BICD1: variants seen among roughly 807,000 people sequenced by gnomAD.
BICD1 encodes the protein BICD cargo adaptor 1, also known as protein bicaudal D homolog 1.
In BICD1, 35 loss-of-function variants were observed where a neutral mutation model predicts 92.5. That is an observed-to-expected ratio of 0.38 (90% CI 0.29 to 0.50). The LOEUF (loss-of-function observed/expected upper bound fraction) is 0.50, where lower values mean the gene tolerates loss of function less well. BICD1 is among the 20% of genes least tolerant of loss of function. The pLI, the probability that BICD1 is intolerant of heterozygous loss-of-function variation, is 0.93. For missense variants in BICD1, 950 were observed against 1,189.8 expected (o/e 0.80, Z 2.97); for synonymous variants, 429 against 465.1 (o/e 0.92, Z 1.00).
chr12:32,172,197 T>C (rs1420718044), intron 1 of BICD1, among the ~76,000 whole-genome samples: 1 of 152,124 alleles, frequency 6.6e-6, no homozygotes, highest in Non-Finnish European at 1.5e-5. Flanking sequence ...TCAGTGCTAG[T>C]GAAGGATATA....
At chr12:32,182,278 C>CTTTTTTTTTTTTTTTTTTTTTTTTTTTT (rs759328721) in intron 1 of BICD1, among the ~76,000 whole-genome samples, 12 of 81,430 alleles carry the variant, frequency 1.5e-4, no homozygotes, top group African/African-American at 2.1e-4. Flanking sequence ...TTCTTTCTTT[C>CTTTTTTTTTTTTTTTTTTTTTTTTTTTT]TTTTTTTTTT....
At chr12:32,135,330 C>T (rs1362153181) in intron 1 of BICD1, among the ~76,000 whole-genome samples, 4 of 149,304 alleles carry the variant, frequency 2.7e-5, no homozygotes, top group Admixed American at 6.7e-5. Flanking sequence ...TCAGGTGATC[C>T]GCCTGCCTCG....
In BICD1 at chr12:32,234,407, G is replaced by A. The variant is rs1945996688; in HGVS notation, c.426+17948G>A. Among the ~76,000 whole-genome samples the A allele has an allele frequency of 2.0e-5, 3 of 151,892 alleles. No homozygotes were observed. The South Asian group carries it at 6.2e-4, about 32-fold the overall frequency. Reference sequence around the variant, plus strand: ...GAGGTCGGGGGTTCAAGACCAGCCTGATCAACATGGAGAAACCCCATCTCT... The same window carrying A: ...GAGGTCGGGGGTTCAAGACCAGCCTAATCAACATGGAGAAACCCCATCTCT... On this transcript the variant is annotated intron_variant, in intron 2 of 9. Coordinates refer to ENST00000652176, the MANE Select transcript of BICD1 (RefSeq NM_001714.4).
chr12:32,243,828 C>T (rs326637), intron 2 of BICD1, among the ~76,000 whole-genome samples: 99,840 of 151,978 alleles, frequency 0.66, 32,893 homozygotes, highest in East Asian at 0.71. Context: ...TACCTGTTTT[C>T]GTGGCTTTTA....
intron 2 of BICD1, among the ~76,000 whole-genome samples, chr12:32,288,214 C>T (rs1300355651): frequency 6.8e-6 from 1 of 146,014 alleles, no homozygotes; most frequent in Non-Finnish European, 1.5e-5. Flanking sequence ...TGTCACCTAC[C>T]AAGTCCTAAT....
chr12:32,166,139 T>TTTA (rs1555140620), intron 1 of BICD1, among the ~76,000 whole-genome samples: 4 of 3,254 alleles, frequency 1.2e-3, no homozygotes, highest in Admixed American at 6.8e-3. Flanking sequence ...TATTTATTTA[T>TTTA]TTATTTATTT....
intron 2 of BICD1, among the ~76,000 whole-genome samples, chr12:32,225,811 G>T (rs1270866217): frequency 6.6e-6 from 1 of 151,678 alleles, no homozygotes; most frequent in African/African-American, 2.4e-5. Context: ...TAGTAGAGAC[G>T]AGGTTTCGCC....
chr12:32,327,762 C>T lies in BICD1; in HGVS notation c.1307C>T (p.Ala436Val). 1 of 1,613,928 alleles carries T rather than the reference C, an allele frequency of 6.2e-7. No homozygotes were observed. The highest frequency in any genetic ancestry group is 1.3e-5 in the African/African-American group (1 of 74,962). ...EVIDLKAEIKALKEKYNKSVE... is the reference protein window; with the variant it reads ...EVIDLKAEIKVLKEKYNKSVE... ...ATTGATCTGAAAGCTGAAATTAAGG[C>T]CTTAAAGGAGAAATATAATAAATCT... The change falls in exon 5 of 10, where the codon GCC becomes GTC. Residue 436 changes from alanine to valine, a missense_variant. Physicochemically the swap from Ala to Val is moderately conservative, Grantham distance 64 (BLOSUM62 0). Around this residue, in one of 5 missense-constraint regions of BICD1, gnomAD observed 309 missense variants for 499.4 expected, o/e 0.62. Transcript: ENST00000652176.
intron 9 of BICD1, among the ~76,000 whole-genome samples, chr12:32,369,541 G>A (rs768331540): frequency 1.3e-5 from 2 of 152,256 alleles, no homozygotes; most frequent in Admixed American, 1.3e-4. Context: ...GTGTCACATG[G>A]TCTCAGAGGC....
At chr12:32,322,919 C>T (rs900107835) in intron 4 of BICD1, among the ~76,000 whole-genome samples, 2 of 152,124 alleles carry the variant, frequency 1.3e-5, no homozygotes, top group Non-Finnish European at 2.9e-5. Flanking sequence ...TGGAAACAGC[C>T]TTATCTGTAA....
Position 32,337,562 on chromosome 12 carries a change from G to A in BICD1, c.2316G>A (p.Glu772=). The change falls in exon 7 of 10, where the codon GAG becomes GAA. Residue 772 remains glutamate (E), a synonymous_variant. Transcript: ENST00000652176. The surrounding 1 kb of genome is among the most constrained non-coding windows in gnomAD (Gnocchi z 4.7). Reference sequence around the variant, plus strand: ...GACAGTTAGCAGCTGCAGAGGATGAGAAGAAGACTCTGAACACTTTGTTAC... The same window carrying A: ...GACAGTTAGCAGCTGCAGAGGATGAAAAGAAGACTCTGAACACTTTGTTAC... The part of the protein sequence containing the change: ...MQRQLAAAED[E]KKTLNTLLRM... 6.2e-7 allele frequency: 1 copy of A among 1,614,204 alleles called. No homozygotes were observed. The highest frequency in any genetic ancestry group is 8.5e-7 in the Non-Finnish European group (1 of 1,180,036).
chr12:32,275,930 G>C lies in BICD1; in HGVS notation c.427-18064G>C, dbSNP rs185545487. On this transcript the variant is annotated intron_variant, in intron 2 of 9. Transcript: ENST00000652176. Reference sequence around the variant, plus strand: ...CCCAAGATTCCATTCCTTGGAATCCGTGAGGCCAAGAACCCCAGGTCAGAG... The same window carrying C: ...CCCAAGATTCCATTCCTTGGAATCCCTGAGGCCAAGAACCCCAGGTCAGAG... 7.7e-4 allele frequency among the ~76,000 whole-genome samples: 117 copies of C among 152,070 alleles called. 2 individuals carry two copies. The East Asian group carries it at 0.02, about 26-fold the overall frequency.
intron 2 of BICD1, among the ~76,000 whole-genome samples, chr12:32,283,987 T>G (rs1461181204): frequency 6.6e-6 from 1 of 152,134 alleles, no homozygotes; most frequent in African/African-American, 2.4e-5. Flanking sequence ...CTAAAGTGGG[T>G]CTCCCCTTTC....
At chr12:32,211,980 T>C (rs570012591) in intron 1 of BICD1, among the ~76,000 whole-genome samples, 1 of 152,338 alleles carries the variant, frequency 6.6e-6, no homozygotes, top group Non-Finnish European at 1.5e-5. Context: ...TTCTCATCTA[T>C]TCATGAGTAC....
intron 2 of BICD1, among the ~76,000 whole-genome samples, chr12:32,216,967 G>A (rs57844656): frequency 0.12 from 17,820 of 152,186 alleles, 1,348 homozygotes; most frequent in African/African-American, 0.21. Context: ...AGCAAATTAT[G>A]GCTGGTATGA....
At chr12:32,215,486 G>A (rs1398056059) in intron 1 of BICD1, among the ~76,000 whole-genome samples, 5 of 152,170 alleles carry the variant, frequency 3.3e-5, no homozygotes, top group African/African-American at 1.2e-4. Flanking sequence ...AACTCTTAAG[G>A]ATACTGTTTA....
chr12:32,361,518 A>T (rs1211294576), intron 8 of BICD1, among the ~76,000 whole-genome samples: 3 of 148,334 alleles, frequency 2.0e-5, no homozygotes, highest in Non-Finnish European at 4.4e-5. Flanking sequence ...ACGTCACTTC[A>T]CTCCAGCCTG....
intron 2 of BICD1, among the ~76,000 whole-genome samples, chr12:32,278,787 C>T (rs1218064758): frequency 2.0e-5 from 3 of 152,144 alleles, no homozygotes; most frequent in African/African-American, 2.4e-5. Flanking sequence ...ACCCGGAGGG[C>T]GGAGCTTGCA....
chr12:32,210,445 C>T (rs558792723), intron 1 of BICD1, among the ~76,000 whole-genome samples: 64 of 152,052 alleles, frequency 4.2e-4, no homozygotes, highest in African/African-American at 1.3e-3. Context: ...ATAATGGGTA[C>T]GAAATTTCTG....
Sources: allele counts gnomAD v4.1 joint callset (sites outside exome capture counted in the v4.1 genomes callset), GRCh38; gene constraint gnomAD v4.1.1; regional missense constraint gnomAD v4.1.1; non-coding constraint Gnocchi (gnomAD v3.1); transcripts MANE v1.5; gene names NCBI Gene and HGNC (gene_info 2026-07-23, HGNC 2026-07-21).